MAST1: variants seen among roughly 807,000 people sequenced by gnomAD.
The protein encoded by MAST1 is microtubule associated serine/threonine kinase 1, also known as microtubule-associated serine/threonine-protein kinase 1.
In MAST1, 40 loss-of-function variants were observed where a neutral mutation model predicts 124.6. The ratio of observed to expected loss-of-function variants is 0.32; its 90% CI spans 0.25 to 0.42. The LOEUF is 0.42. Ranked by LOEUF, MAST1 falls within the 10% of genes least tolerant of loss-of-function variation. The pLI is 1.00. For missense variants in MAST1, 1,558 were observed against 2,181.9 expected, an observed-to-expected ratio of 0.71 and a Z score of 5.70; for synonymous variants, 938 against 939.4, an observed-to-expected ratio of 1.00 and a Z score of 0.03.
chr19:12,865,632 A>G lies in MAST1; in HGVS notation c.1805-85A>G. On this transcript the variant is annotated intron_variant, in intron 15 of 25. Transcript: ENST00000251472. The surrounding 1 kb of genome is among the most constrained non-coding windows in gnomAD (Gnocchi z 7.1). ...CAGTGAGCCATGATCGTGCCACTGC[A>G]CTCCAGCTGGGTGACACAGTGAGAT... 6.9e-7 allele frequency: 1 copy of G among 1,441,644 alleles called. No homozygotes were observed. The highest frequency in any genetic ancestry group is 9.6e-7 in the Non-Finnish European group (1 of 1,046,198). 89.3% of individuals were successfully genotyped at this position (1,441,644 alleles called of 1,614,324 possible).
Position 12,848,058 on chromosome 19 carries a change from G to GT in MAST1, c.774+2dup, listed in dbSNP as rs1422000729. 6.2e-7 allele frequency: 1 copy of GT among 1,613,080 alleles called. No homozygotes were observed. The highest frequency in any genetic ancestry group is 1.7e-5 in the Admixed American group (1 of 59,930). ...GAACCTGGAGAAGCTCCTTCAAGAC[G>GT]TGAGTGCACGCGGAGGCCGGGCTGA... On this transcript the variant is annotated splice_donor_variant, in intron 7 of 25. Transcript: ENST00000251472. LOFTEE classifies it high-confidence loss of function.
chr19:12,850,222 G>A (rs1969944416), intron 7 of MAST1, among the ~76,000 whole-genome samples: 1 of 152,184 alleles, frequency 6.6e-6, no homozygotes, highest in Non-Finnish European at 1.5e-5. Context: ...AGCAGGAAGA[G>A]ACAGAAGATA....
intron 12 of MAST1, chr19:12,859,008 T>C (rs1970048711): frequency 1.9e-6 from 1 of 533,462 alleles, no homozygotes; most frequent in Non-Finnish European, 3.3e-6. Context: ...TCTACTGATG[T>C]GCTAATCCAT....
intron 22 of MAST1, 28 bp downstream of exon 22, chr19:12,869,323 C>T: frequency 6.3e-7 from 1 of 1,584,790 alleles, no homozygotes; most frequent in East Asian, 2.3e-5. Flanking sequence ...GAGTCTCCAT[C>T]ACAGAGTGGA....
In MAST1 at chr19:12,847,727, G is replaced by A. The variant is rs767570268; in HGVS notation, c.564+40G>A. The A allele has an allele frequency of 3.1e-6, 5 of 1,605,420 alleles. No individual in the cohort carries two copies. The Admixed American group carries it at 6.7e-5, about 22-fold the overall frequency. ...GAGGCGGTCACGGGGTGACCAGGCG[G>A]CCTGCACTCTCGCTCGCCTTATCCC... On this transcript the variant is annotated intron_variant, in intron 6 of 25. Transcript: ENST00000251472. The surrounding 1 kb of genome is among the most constrained non-coding windows in gnomAD (Gnocchi z 5.5).
intron 7 of MAST1, chr19:12,848,461 C>A (rs534276346): frequency 3.0e-4 from 52 of 174,678 alleles, no homozygotes; most frequent in Non-Finnish European, 4.9e-4. Flanking sequence ...CTACTAAAAA[C>A]ACACACACAC....
chr19:12,843,636 G>A lies in MAST1; in HGVS notation c.327+29G>A, dbSNP rs768273025. 8.7e-6 allele frequency: 14 copies of A among 1,600,242 alleles called. No homozygotes were observed. In the East Asian group the frequency reaches 1.6e-4, roughly 18 times the overall value. ...AGTGTGGAAAGTAGGTGGGTGGGCC[G>A]GTGGGTAAGGAATTCAGGGGCCCTC... On this transcript the variant is annotated intron_variant, in intron 4 of 25. Transcript: ENST00000251472. The surrounding 1 kb of genome is among the most constrained non-coding windows in gnomAD (Gnocchi z 4.9).
intron 10 of MAST1, among the ~76,000 whole-genome samples, chr19:12,856,781 G>A (rs777802860): frequency 5.9e-5 from 9 of 152,086 alleles, no homozygotes; most frequent in African/African-American, 1.4e-4. Flanking sequence ...CTAATTTAAC[G>A]TATGGATTAT....
Position 12,865,932 on chromosome 19 carries a change from G to A in MAST1, c.1907-48G>A. The stretch of plus-strand genomic sequence containing the variant: ...GCGGAAGACATGGGGGGCGGGGCTG[G>A]GCTGCTGGGTTGGCCATCAGCTGTG... On this transcript the variant is annotated intron_variant, in intron 16 of 25. Transcript: ENST00000251472. The surrounding 1 kb of genome is among the most constrained non-coding windows in gnomAD (Gnocchi z 7.1). The A allele has an allele frequency of 4.3e-6, 7 of 1,610,226 alleles. No individual in the cohort carries two copies. Among genetic ancestry groups the A allele is most frequent in the Non-Finnish European group, 5.9e-6 (7 of 1,178,196 alleles).
rs1483353977 is a variant in MAST1 at position 12,843,495 on chromosome 19, CT to C, written c.249-32del. The C allele has an allele frequency of 6.3e-7, 1 of 1,595,402 alleles. No homozygotes were observed. The highest frequency in any genetic ancestry group is 2.2e-5 in the East Asian group (1 of 44,714). On this transcript the variant is annotated intron_variant, in intron 3 of 25. Transcript: ENST00000251472. This position sits in a 1 kb window ranked among gnomAD's most constrained non-coding sequence, Gnocchi z 4.9. Reference sequence around the variant, plus strand: ...TGAGGAGTTGGGGGACCGCTGGGGCCTTGTGGCCTCTGAGCACCTTGGCTGG... The same window carrying C: ...TGAGGAGTTGGGGGACCGCTGGGGCCTGTGGCCTCTGAGCACCTTGGCTGG...
At chr19:12,870,464 C>T (rs2145912522) in intron 22 of MAST1, among the ~76,000 whole-genome samples, 1 of 144,018 alleles carries the variant, frequency 6.9e-6, no homozygotes, top group African/African-American at 2.6e-5. Flanking sequence ...GCACTCCAGC[C>T]TGGGTGACAG....
chr19:12,866,886 A>AGTCT lies in MAST1; in HGVS notation c.2139+126_2139+129dup. On this transcript the variant is annotated intron_variant, in intron 18 of 25. Coordinates refer to ENST00000251472, the MANE Select transcript of MAST1 (RefSeq NM_014975.3). This position sits in a 1 kb window ranked among gnomAD's most constrained non-coding sequence, Gnocchi z 5.2. ...AGCGGGAAGTTATTGATGGGGCGGG[A>AGTCT]GTCTGGAAGGTGGTAAGGCCACGCA... 1 of 791,438 alleles carries AGTCT rather than the reference A, an allele frequency of 1.3e-6. No homozygotes were observed. The highest frequency in any genetic ancestry group is 2.1e-6 in the Non-Finnish European group (1 of 486,530). The allele number at this position is 791,438 out of a possible 1,614,324, so 49.0% of individuals were successfully genotyped here.
At position 12,852,178 on chromosome 19, in the gene MAST1, C is replaced by A. The variant is rs1193604134; in HGVS notation, c.940C>A (p.His314Asn). The change falls in exon 9 of 26, where the codon CAC (histidine) becomes AAC (asparagine). Residue 314 changes from histidine (H) to asparagine (N), a missense_variant. By Grantham distance (68) the His-to-Asn change is moderately conservative. Coordinates refer to ENST00000251472, the MANE Select transcript of MAST1 (RefSeq NM_014975.3). ...EAAEGHAKEG[H>N]LVKTDIPRYI... ...GGCCGAAGGACACGCCAAGGAGGGC[C>A]ACCTTGTGAAGACGGACATCCCCCG... 1.2e-6 allele frequency: 2 copies of A among 1,614,060 alleles called. No homozygotes were observed. Among genetic ancestry groups the A allele is most frequent in the South Asian group, 2.2e-5 (2 of 91,088 alleles).
chr19:12,866,227 T>A lies in MAST1; in HGVS notation c.2029+125T>A. On this transcript the variant is annotated intron_variant, in intron 17 of 25. Transcript: ENST00000251472. This position sits in a 1 kb window ranked among gnomAD's most constrained non-coding sequence, Gnocchi z 5.2. ...AAGATGTGATGCCTAGGTGCGAAGG[T>A]GGTATTTTGGTGGGGGCGGGGCCAA... is the stretch of plus-strand genomic sequence containing the variant. The A allele has an allele frequency of 1.2e-6, 1 of 841,190 alleles. No homozygotes were observed. Among genetic ancestry groups the A allele is most frequent in the Non-Finnish European group, 1.5e-6 (1 of 664,578 alleles). 52.1% of individuals were successfully genotyped at this position (841,190 alleles called of 1,614,324 possible). A position where few individuals can be genotyped will look rare whatever the true frequency, so the allele number is the denominator to read the frequency against.
At chr19:12,859,785 A>G (rs1911199979) in intron 12 of MAST1, among the ~76,000 whole-genome samples, 1 of 149,342 alleles carries the variant, frequency 6.7e-6, no homozygotes, top group African/African-American at 2.5e-5. Context: ...AGATCATGCC[A>G]TTGCACTCCA....
chr19:12,874,874 AG>A lies in MAST1; in HGVS notation c.*9del, dbSNP rs1216742327. On this transcript the variant is annotated 3_prime_UTR_variant, in exon 26 of 26. Transcript: ENST00000251472. The surrounding 1 kb of genome is among the most constrained non-coding windows in gnomAD (Gnocchi z 6.6). ...TCCCGCACCCCCGGGACCATAGCCAAGGGGGTCATCGGCCCCGCGCTGTACA... is the reference window on the plus strand; with the variant it reads ...TCCCGCACCCCCGGGACCATAGCCAAGGGGTCATCGGCCCCGCGCTGTACA... 3.8e-6 allele frequency: 6 copies of A among 1,595,182 alleles called. No individual in the cohort carries two copies. Among genetic ancestry groups the A allele is most frequent in the Non-Finnish European group, 4.3e-6 (5 of 1,173,394 alleles).
In MAST1 at chr19:12,848,058, G is replaced by A. The variant is rs1480646991; in HGVS notation, c.774+1G>A. On this transcript the variant is annotated splice_donor_variant, in intron 7 of 25. Coordinates refer to ENST00000251472, the MANE Select transcript of MAST1 (RefSeq NM_014975.3). LOFTEE classifies it high-confidence loss of function. The stretch of plus-strand genomic sequence containing the variant: ...GAACCTGGAGAAGCTCCTTCAAGAC[G>A]TGAGTGCACGCGGAGGCCGGGCTGA... 6.2e-7 allele frequency: 1 copy of A among 1,612,960 alleles called. No homozygotes were observed. Among genetic ancestry groups the A allele is most frequent in the Non-Finnish European group, 8.5e-7 (1 of 1,179,578 alleles).
At position 12,870,999 on chromosome 19, in the gene MAST1, G is replaced by A. The variant is rs1323118107; in HGVS notation, c.3127-37G>A. 4 of 1,613,978 alleles carry A rather than the reference G, an allele frequency of 2.5e-6. No homozygotes were observed. In the South Asian group the frequency reaches 3.3e-5, roughly 13 times the overall value. ...GCGGAGGGTGGGGGAGGCCTGAGCA[G>A]CCCCTAGCAGAGCATTTTCCCGCAT... On this transcript the variant is annotated intron_variant, in intron 23 of 25. Coordinates refer to ENST00000251472, the MANE Select transcript of MAST1 (RefSeq NM_014975.3).
chr19:12,848,785 C>T (rs2145891867), intron 7 of MAST1: 1 of 152,300 alleles, frequency 6.6e-6, no homozygotes, highest in African/African-American at 2.4e-5. Flanking sequence ...TGGCGAAACC[C>T]CGTCTCTACT....
Sources: allele counts gnomAD v4.1 joint callset (sites outside exome capture counted in the v4.1 genomes callset), GRCh38; gene constraint gnomAD v4.1.1; non-coding constraint Gnocchi (gnomAD v3.1); transcripts MANE v1.5; gene names NCBI Gene and HGNC (gene_info 2026-07-23, HGNC 2026-07-21).